TARBP1: variants seen among roughly 807,000 people sequenced by gnomAD.
TARBP1 encodes the protein tRNA (guanosine(18)-2'-O)-methyltransferase TARBP1.
TARBP1 carries 144 observed loss-of-function variants against 178.6 expected under a neutral mutation model. The ratio of observed to expected loss-of-function variants is 0.81; its 90% CI spans 0.70 to 0.93. TARBP1 has a LOEUF of 0.93. Among genes scored for constraint, TARBP1 ranks in the 40% least tolerant of loss-of-function variants. The pLI is 0.00. For missense variants in TARBP1, 2,067 were observed against 2,011.7 expected, an observed-to-expected ratio of 1.03 and a Z score of -0.53; for synonymous variants, 787 against 781.0, an observed-to-expected ratio of 1.01 and a Z score of -0.13.
At chr1:234,462,791 T>C (rs1478248206) in intron 6 of TARBP1, among the ~76,000 whole-genome samples, 2 of 152,056 alleles carry the variant, frequency 1.3e-5, no homozygotes, top group South Asian at 4.1e-4. Flanking sequence ...CAATTTTCTA[T>C]AAATTTAAAG....
intron 3 of TARBP1, among the ~76,000 whole-genome samples, chr1:234,470,421 A>G (rs1571877340): frequency 6.6e-6 from 1 of 152,308 alleles, no homozygotes; most frequent in East Asian, 1.9e-4. Flanking sequence ...ACCATTTAGC[A>G]AGAAGGGAAC....
At chr1:234,427,818 C>A in intron 17 of TARBP1, 52 bp from the exon 18 acceptor site, 2 of 1,307,268 alleles carry the variant, frequency 1.5e-6, no homozygotes, top group South Asian at 4.4e-5. Context: ...TTTAAAAAAT[C>A]AGTGCTGCTA....
At chr1:234,444,555 G>A (rs1404590126) in intron 12 of TARBP1, among the ~76,000 whole-genome samples, 1 of 152,020 alleles carries the variant, frequency 6.6e-6, no homozygotes, top group African/African-American at 2.4e-5. Flanking sequence ...GCAACCTCAA[G>A]GGCGTGCTCA....
chr1:234,444,707 GAATA>G (rs1235711846), intron 12 of TARBP1, among the ~76,000 whole-genome samples: 11 of 151,268 alleles, frequency 7.3e-5, no homozygotes, highest in African/African-American at 2.4e-4. Flanking sequence ...AAAAAAAACA[GAATA>G]AATTAGAAAA....
chr1:234,437,580 T>G, intron 12 of TARBP1, among the ~76,000 whole-genome samples: 2 of 152,144 alleles, frequency 1.3e-5, no homozygotes, highest in Non-Finnish European at 2.9e-5. Flanking sequence ...GTAGGATGGA[T>G]CAGGGACACT....
rs768951167 is a variant in TARBP1, at chr1:234,450,552, T to C, written c.1737A>G (p.Leu579=). The change falls in exon 10 of 30, where the codon CTA becomes CTG. Residue 579 remains leucine (L), a synonymous_variant. Transcript: ENST00000040877. ...TSLWTELCDW[L]RVNESYFKPS... Reference sequence around the variant, plus strand: ...GCTTAAAATAGCTTTCATTAACACGTAGCCAGTCACACAGCTGGAAAAGAA... The same window carrying C: ...GCTTAAAATAGCTTTCATTAACACGCAGCCAGTCACACAGCTGGAAAAGAA... The C allele has an allele frequency of 1.2e-5, 20 of 1,608,400 alleles. 1 individual carries two copies. In the East Asian group the frequency reaches 2.9e-4, roughly 23 times the overall value.
intron 22 of TARBP1, among the ~76,000 whole-genome samples, chr1:234,417,696 G>A (rs139115944): frequency 0.029 from 4,339 of 152,242 alleles, 86 homozygotes; most frequent in Non-Finnish European, 0.041. Context: ...TTCTTTCTAC[G>A]TTATGTTTGA....
intron 26 of TARBP1, among the ~76,000 whole-genome samples, chr1:234,395,532 T>G (rs540671882): frequency 6.6e-6 from 1 of 152,178 alleles, no homozygotes; most frequent in Non-Finnish European, 1.5e-5. Context: ...GATTGACCAA[T>G]ACCATTAATA....
At chr1:234,447,532 C>CCACA (rs1666319170) in intron 11 of TARBP1, among the ~76,000 whole-genome samples, 1 of 151,582 alleles carries the variant, frequency 6.6e-6, no homozygotes, top group Admixed American at 6.6e-5. Flanking sequence ...GTAGCTGGGA[C>CCACA]CACAGGTGTG....
At chr1:234,399,109 G>A (rs973765825) in intron 25 of TARBP1, among the ~76,000 whole-genome samples, 3 of 152,174 alleles carry the variant, frequency 2.0e-5, no homozygotes, top group African/African-American at 7.2e-5. Context: ...TAAAGTGTTC[G>A]TGAACACGGC....
At chr1:234,461,284 T>C (rs270510) in intron 6 of TARBP1, among the ~76,000 whole-genome samples, 31,951 of 152,134 alleles carry the variant, frequency 0.21, 4,300 homozygotes, top group African/African-American at 0.38. Context: ...TGAAGCTGTA[T>C]TTTTTTAAAA....
At chr1:234,420,914 C>A in intron 20 of TARBP1, 102 bp from the exon 21 acceptor site, 1 of 605,820 alleles carries the variant, frequency 1.7e-6, no homozygotes, top group Non-Finnish European at 2.8e-6. Flanking sequence ...TTAAATTAGG[C>A]ACAGGGGCTT....
chr1:234,454,937 G>C (rs1248201249), intron 9 of TARBP1, among the ~76,000 whole-genome samples: 1 of 152,192 alleles, frequency 6.6e-6, no homozygotes, highest in African/African-American at 2.4e-5. Context: ...ATAAAAGGAA[G>C]GCAGAGGCAG....
chr1:234,417,978 T>C (rs527418213), intron 22 of TARBP1, 106 bp downstream of exon 22: 74 of 642,814 alleles, frequency 1.2e-4, no homozygotes, highest in Non-Finnish European at 1.7e-4. Context: ...GTCAATACAA[T>C]AGGGCAACTG....
intron 1 of TARBP1, among the ~76,000 whole-genome samples, chr1:234,477,033 A>G (rs1299445075): frequency 6.6e-6 from 1 of 152,184 alleles, no homozygotes; most frequent in Non-Finnish European, 1.5e-5. Flanking sequence ...TAAAAATACA[A>G]AATTAGTGGG....
At position 234,398,202 on chromosome 1, in the gene TARBP1, TAA is replaced by T. The variant is rs2103038170; in HGVS notation, c.4243+178_4243+179del. 7 of 394,700 alleles carry T rather than the reference TAA, an allele frequency of 1.8e-5. No individual in the cohort carries two copies. In the East Asian group the frequency reaches 2.9e-4, roughly 16 times the overall value. 24.4% of individuals were successfully genotyped at this position (394,700 alleles called of 1,614,324 possible). ...AAATAGCTTTAAAGCTAAGTTTCAC[TAA>T]AAGTGTTAGTCAAAGTTATACCACA... On this transcript the variant is annotated intron_variant, in intron 26 of 29. Coordinates refer to ENST00000040877, the MANE Select transcript of TARBP1 (RefSeq NM_005646.4).
chr1:234,401,689 A>G (rs546068032), intron 24 of TARBP1, among the ~76,000 whole-genome samples: 5 of 152,364 alleles, frequency 3.3e-5, no homozygotes, highest in East Asian at 1.9e-4. Context: ...AAGTTATACA[A>G]TATGGCAGGC....
At chr1:234,477,045 C>T (rs891512547) in intron 1 of TARBP1, among the ~76,000 whole-genome samples, 3 of 152,182 alleles carry the variant, frequency 2.0e-5, no homozygotes, top group African/African-American at 7.2e-5. Context: ...ATTAGTGGGG[C>T]ATGGTGGCGC....
At chr1:234,460,145 C>T in intron 7 of TARBP1, 116 bp downstream of exon 7, 2 of 1,185,284 alleles carry the variant, frequency 1.7e-6, no homozygotes. Context: ...CCCAAACATC[C>T]CAATCCCAAT....
Sources: allele counts gnomAD v4.1 joint callset (sites outside exome capture counted in the v4.1 genomes callset), GRCh38; gene constraint gnomAD v4.1.1; transcripts MANE v1.5; gene names NCBI Gene and HGNC (gene_info 2026-07-23, HGNC 2026-07-21).